Variants in PALM2AKAP2 observed in about 807,000 individuals in gnomAD.
PALM2AKAP2 encodes the protein PALM2-AKAP2 fusion protein.
A neutral mutation model predicts 71.5 loss-of-function variants in PALM2AKAP2; 37 were observed. That is an observed-to-expected ratio of 0.52 (90% CI 0.40 to 0.68). The LOEUF (loss-of-function observed/expected upper bound fraction) is 0.68, where lower values mean the gene tolerates loss of function less well. Among genes scored for constraint, PALM2AKAP2 ranks in the 30% least tolerant of loss-of-function variants. PALM2AKAP2 has a pLI of 0.00. For synonymous variants in PALM2AKAP2, 468 were observed against 478.8 expected (o/e 0.98, Z 0.29); for missense variants, 1,224 against 1,191.8 (o/e 1.03, Z -0.40).
At chr9:109,782,744 TTGTGTGTG>T (rs71492863) in intron 1 of PALM2AKAP2, among the ~76,000 whole-genome samples, 29 of 144,276 alleles carry the variant, frequency 2.0e-4, no homozygotes, top group Admixed American at 6.8e-4. Context: ...GTGTGTTTGT[TTGTGTGTG>T]TGTGTGTGTG....
chr9:110,149,487 G>GA (rs554730688), intron 2 of PALM2AKAP2, among the ~76,000 whole-genome samples: 383 of 152,180 alleles, frequency 2.5e-3, no homozygotes, highest in Non-Finnish European at 4.0e-3. Context: ...GCTGATTGTA[G>GA]AAAAAAATGT....
intron 1 of PALM2AKAP2, among the ~76,000 whole-genome samples, chr9:109,678,983 G>C (rs1390433143): frequency 1.3e-5 from 2 of 152,108 alleles, no homozygotes; most frequent in Non-Finnish European, 2.9e-5. Context: ...TCACGTTTAG[G>C]GCTTAGATAT....
chr9:110,058,898 G>GTTTTTTTTTT (rs202140304), intron 1 of PALM2AKAP2, among the ~76,000 whole-genome samples: 6 of 111,732 alleles, frequency 5.4e-5, no homozygotes, highest in Admixed American at 1.1e-4. Flanking sequence ...AAGTTTTTTG[G>GTTTTTTTTTT]TTTTTTTTTT....
chr9:109,993,238 G>C (rs916521814), intron 6 of PALM2AKAP2, among the ~76,000 whole-genome samples: 2 of 150,262 alleles, frequency 1.3e-5, no homozygotes, highest in African/African-American at 4.9e-5. Context: ...TCCAGGAGTT[G>C]TTGTTTTGGG....
At chr9:109,971,980 A>G (rs919303618) in intron 6 of PALM2AKAP2, among the ~76,000 whole-genome samples, 1 of 152,176 alleles carries the variant, frequency 6.6e-6, no homozygotes, top group Admixed American at 6.5e-5. Context: ...TGTCTCTGAT[A>G]TTCCACCAGA....
At chr9:109,798,775 CT>C (rs1827336027) in intron 1 of PALM2AKAP2, among the ~76,000 whole-genome samples, 1 of 152,188 alleles carries the variant, frequency 6.6e-6, no homozygotes, top group Admixed American at 6.5e-5. Flanking sequence ...GAATTCTCTC[CT>C]TCTATCAATT....
chr9:109,645,369 G>A (rs944197467), intron 1 of PALM2AKAP2, among the ~76,000 whole-genome samples: 2 of 152,158 alleles, frequency 1.3e-5, no homozygotes, highest in Non-Finnish European at 1.5e-5. Context: ...TCTCCCACCA[G>A]GTGCTTTCCA....
chr9:109,662,164 C>G (rs1827407689), intron 1 of PALM2AKAP2, among the ~76,000 whole-genome samples: 1 of 152,098 alleles, frequency 6.6e-6, no homozygotes, highest in Non-Finnish European at 1.5e-5. Context: ...TTATTTCTTT[C>G]TCCTGCCTGA....
intron 1 of PALM2AKAP2, among the ~76,000 whole-genome samples, chr9:110,052,964 G>A (rs1351144012): frequency 1.3e-5 from 2 of 152,304 alleles, no homozygotes; most frequent in Middle Eastern, 3.4e-3. Flanking sequence ...TGAAAGTTAA[G>A]TGCCAGAAAA....
At chr9:110,147,843 T>A (rs1175102070) in intron 2 of PALM2AKAP2, among the ~76,000 whole-genome samples, 1 of 152,216 alleles carries the variant, frequency 6.6e-6, no homozygotes, top group African/African-American at 2.4e-5. Flanking sequence ...GTTGTGAGCC[T>A]GAAATAAATA....
intron 1 of PALM2AKAP2, among the ~76,000 whole-genome samples, chr9:109,814,181 G>A (rs1318338339): frequency 2.0e-5 from 3 of 152,192 alleles, no homozygotes; most frequent in Non-Finnish European, 4.4e-5. Context: ...GTAAGCAAAT[G>A]CCACACAAAA....
chr9:110,048,815 C>T (rs1833651914), exon 1 of PALM2AKAP2: 2 of 1,533,938 alleles, frequency 1.3e-6, no homozygotes, highest in Non-Finnish European at 1.7e-6. Context: ...TGGACTGGAG[C>T]AGAACCCCAG....
intron 1 of PALM2AKAP2, among the ~76,000 whole-genome samples, chr9:109,688,734 A>G (rs539860796): frequency 1.3e-5 from 2 of 152,334 alleles, no homozygotes; most frequent in African/African-American, 4.8e-5. Context: ...ACTTTATGGA[A>G]AGTAGATGCT....
At chr9:110,005,719 G>A (rs916866305) in intron 6 of PALM2AKAP2, among the ~76,000 whole-genome samples, 7 of 152,208 alleles carry the variant, frequency 4.6e-5, no homozygotes, top group Admixed American at 4.6e-4. Context: ...TCAAGCTTCA[G>A]CAATGGCAGG....
intron 2 of PALM2AKAP2, among the ~76,000 whole-genome samples, chr9:110,140,470 A>G (rs1429392015): frequency 6.6e-5 from 10 of 152,160 alleles, no homozygotes; most frequent in African/African-American, 2.4e-4. Flanking sequence ...GCTCATTGTT[A>G]TTGCATTGTC....
chr9:110,105,956 C>T (rs1482107729), intron 1 of PALM2AKAP2, among the ~76,000 whole-genome samples: 1 of 150,466 alleles, frequency 6.6e-6, no homozygotes, highest in African/African-American at 2.4e-5. Context: ...TATATATATA[C>T]GCACTTTATC....
chr9:109,851,307 T>C lies in PALM2AKAP2; in HGVS notation c.46-16184T>C, dbSNP rs117298054. On this transcript the variant is annotated intron_variant, in intron 1 of 9. Transcript: ENST00000302798. ...AGGTGAGGCCTGGGCTTGGTGCTTTTTGATGATCCTCAGGTGATCTTAATG... is the reference window on the plus strand; with the variant it reads ...AGGTGAGGCCTGGGCTTGGTGCTTTCTGATGATCCTCAGGTGATCTTAATG... Among the ~76,000 whole-genome samples, 148 of 152,262 alleles carry C rather than the reference T, an allele frequency of 9.7e-4. 1 individual carries two copies. In the East Asian group the frequency reaches 0.024, roughly 25 times the overall value.
chr9:109,699,880 A>T (rs1828028155), intron 1 of PALM2AKAP2, among the ~76,000 whole-genome samples: 1 of 151,980 alleles, frequency 6.6e-6, no homozygotes, highest in African/African-American at 2.4e-5. Context: ...GGTTCAAGCA[A>T]TTCTTCTGCC....
chr9:110,051,464 A>T (rs1187526508), intron 1 of PALM2AKAP2, among the ~76,000 whole-genome samples: 1 of 152,256 alleles, frequency 6.6e-6, no homozygotes, highest in Non-Finnish European at 1.5e-5. Flanking sequence ...GATAATTACA[A>T]TAATCCAAAC....
Sources: allele counts gnomAD v4.1 joint callset (sites outside exome capture counted in the v4.1 genomes callset), GRCh38; gene constraint gnomAD v4.1.1; transcripts MANE v1.5; gene names NCBI Gene and HGNC (gene_info 2026-07-23, HGNC 2026-07-21).